The following RNF150 variants were observed in gnomAD, a reference collection of about 807,000 sequenced individuals.
RNF150 encodes ring finger protein 150.
A neutral mutation model predicts 39.3 loss-of-function variants in RNF150; 24 were observed. The ratio of observed to expected loss-of-function variants is 0.61; its 90% CI spans 0.44 to 0.86. The LOEUF (loss-of-function observed/expected upper bound fraction) is 0.86, where lower values mean the gene tolerates loss of function less well. RNF150 is among the 40% of genes least tolerant of loss of function. RNF150 has a pLI of 0.00. For synonymous variants in RNF150, 255 were observed against 227.3 expected (o/e 1.12, Z -1.10); for missense variants, 502 against 587.8 (o/e 0.85, Z 1.51).
intron 1 of RNF150, among the ~76,000 whole-genome samples, chr4:141,207,495 A>C (rs1728393599): frequency 6.6e-6 from 1 of 152,128 alleles, no homozygotes; most frequent in Non-Finnish European, 1.5e-5. Flanking sequence ...CTCTGAGAGC[A>C]AAGATGAGCC....
At chr4:141,040,488 C>G (rs961385956) in intron 1 of RNF150, among the ~76,000 whole-genome samples, 5 of 152,098 alleles carry the variant, frequency 3.3e-5, no homozygotes, top group African/African-American at 1.2e-4. Flanking sequence ...TTCTAACATT[C>G]TCTTTTATAT....
intron 1 of RNF150, among the ~76,000 whole-genome samples, chr4:141,199,171 C>T (rs953742007): frequency 2.0e-5 from 3 of 152,098 alleles, no homozygotes; most frequent in African/African-American, 7.2e-5. Context: ...ACCTGAGACA[C>T]CACTACACAC....
chr4:140,910,812 G>A (rs1730568409), intron 6 of RNF150, among the ~76,000 whole-genome samples: 2 of 152,098 alleles, frequency 1.3e-5, no homozygotes, highest in African/African-American at 4.8e-5. Flanking sequence ...CCCCTCACCT[G>A]CCCTCCAGTC....
At chr4:141,074,484 T>C (rs1818296) in intron 1 of RNF150, among the ~76,000 whole-genome samples, 2,595 of 151,784 alleles carry the variant, frequency 0.017, 28 homozygotes, top group South Asian at 0.037. Context: ...AGAAAAAAAC[T>C]GAAAAACCAA....
intron 6 of RNF150, among the ~76,000 whole-genome samples, chr4:140,888,864 G>T (rs542036560): frequency 1.3e-5 from 2 of 152,238 alleles, no homozygotes; most frequent in South Asian, 4.1e-4. Context: ...ATAAAAAGTA[G>T]GCTATTGGTG....
intron 1 of RNF150, among the ~76,000 whole-genome samples, chr4:141,078,656 G>A (rs1738006755): frequency 6.6e-6 from 1 of 150,946 alleles, no homozygotes; most frequent in African/African-American, 2.4e-5. Flanking sequence ...CGGGCGCGGT[G>A]GCAGGCACCT....
rs1256004967 is a variant in RNF150, at chr4:141,033,601, G to A, written c.485-65728C>T. On this transcript the variant is annotated intron_variant, in intron 1 of 6. Transcript: ENST00000515673. ...ACCCACATCCATCAGAGGAATCACTGGGCAGCGATACCTTAAAAAATGTAT... is the reference window on the plus strand; with the variant it reads ...ACCCACATCCATCAGAGGAATCACTAGGCAGCGATACCTTAAAAAATGTAT... 1.3e-5 allele frequency among the ~76,000 whole-genome samples: 2 copies of A among 152,090 alleles called. 1 individual carries two copies. Among genetic ancestry groups the A allele is most frequent in the East Asian group, 3.9e-4 (2 of 5,192 alleles).
At chr4:140,968,117 T>G (rs1486060072) in intron 1 of RNF150, among the ~76,000 whole-genome samples, 2 of 152,114 alleles carry the variant, frequency 1.3e-5, no homozygotes, top group African/African-American at 4.8e-5. Flanking sequence ...TTCATGATTT[T>G]AGTACCAGTG....
intron 1 of RNF150, among the ~76,000 whole-genome samples, chr4:141,122,541 T>C (rs10029478): frequency 0.053 from 8,147 of 152,296 alleles, 649 homozygotes; most frequent in African/African-American, 0.17. Context: ...GAATAGCCTT[T>C]GACTAATCCC....
intron 1 of RNF150, among the ~76,000 whole-genome samples, chr4:141,049,504 T>C (rs186313766): frequency 6.6e-6 from 1 of 152,052 alleles, no homozygotes; most frequent in Admixed American, 6.6e-5. Flanking sequence ...GGGTAAACGG[T>C]TAGGAAATTT....
At position 140,917,898 on chromosome 4, in the gene RNF150, C is replaced by T. The variant is rs549046735; in HGVS notation, c.988-6544G>A. On this transcript the variant is annotated intron_variant, in intron 5 of 6. Transcript: ENST00000515673. ...CCGGATTAAGAAACTCACTCAAAAC[C>T]GCTCCACTACATGGAAACTGAACAA... is the stretch of plus-strand genomic sequence containing the variant. Among the ~76,000 whole-genome samples the T allele has an allele frequency of 4.9e-4, 74 of 151,972 alleles. No homozygotes were observed. In the Middle Eastern group the frequency reaches 0.017, roughly 35 times the overall value.
intron 1 of RNF150, among the ~76,000 whole-genome samples, chr4:141,117,732 G>T (rs1726473663): frequency 1.3e-5 from 2 of 152,186 alleles, no homozygotes; most frequent in African/African-American, 4.8e-5. Context: ...GGGTTACAGG[G>T]TCTGTGAAGC....
At chr4:140,874,858 T>G (rs1410880579) in intron 6 of RNF150, among the ~76,000 whole-genome samples, 1 of 152,154 alleles carries the variant, frequency 6.6e-6, no homozygotes, top group Non-Finnish European at 1.5e-5. Flanking sequence ...AGAAACAAGA[T>G]CTCACTATGT....
At chr4:141,034,042 C>A (rs779436800) in intron 1 of RNF150, among the ~76,000 whole-genome samples, 15 of 152,194 alleles carry the variant, frequency 9.9e-5, no homozygotes, top group Non-Finnish European at 2.1e-4. Context: ...TGAAGCCAGG[C>A]ACTGACTTCT....
chr4:141,104,227 G>C (rs564902412), intron 1 of RNF150, among the ~76,000 whole-genome samples: 1 of 152,234 alleles, frequency 6.6e-6, no homozygotes, highest in Non-Finnish European at 1.5e-5. Flanking sequence ...TGACTCCAAT[G>C]TATTAGAGCT....
intron 1 of RNF150, among the ~76,000 whole-genome samples, chr4:141,162,012 G>A (rs1474186757): frequency 1.3e-5 from 2 of 152,188 alleles, no homozygotes; most frequent in African/African-American, 2.4e-5. Context: ...GTCCGCAATG[G>A]GGCATTGCCT....
At chr4:141,059,082 C>T (rs1202097616) in intron 1 of RNF150, among the ~76,000 whole-genome samples, 1 of 152,098 alleles carries the variant, frequency 6.6e-6, no homozygotes, top group Non-Finnish European at 1.5e-5. Context: ...AATATTTTGC[C>T]CCTATCCTGT....
chr4:141,035,490 A>G (rs935746885), intron 1 of RNF150, among the ~76,000 whole-genome samples: 12 of 152,188 alleles, frequency 7.9e-5, no homozygotes, highest in Non-Finnish European at 1.0e-4. Flanking sequence ...ATGGGGAAAA[A>G]TGTATGCGAT....
At chr4:141,169,158 GC>G (rs1028591884) in intron 1 of RNF150, among the ~76,000 whole-genome samples, 1 of 152,080 alleles carries the variant, frequency 6.6e-6, no homozygotes, top group African/African-American at 2.4e-5. Context: ...CAATTGTTTA[GC>G]CCCATCCCCT....
Sources: allele counts gnomAD v4.1 joint callset (sites outside exome capture counted in the v4.1 genomes callset), GRCh38; gene constraint gnomAD v4.1.1; transcripts MANE v1.5; gene names NCBI Gene and HGNC (gene_info 2026-07-23, HGNC 2026-07-21).